FOXP1: variants seen among roughly 807,000 people sequenced by gnomAD.
The protein encoded by FOXP1 is forkhead box protein P1.
A neutral mutation model predicts 98.2 loss-of-function variants in FOXP1; 15 were observed. The ratio of observed to expected loss-of-function variants is 0.15; its 90% CI spans 0.10 to 0.24. The LOEUF is 0.24. FOXP1 is among the 10% of genes least tolerant of loss of function. The pLI is 1.00. For synonymous variants in FOXP1, 371 were observed against 314.5 expected, an observed-to-expected ratio of 1.18 and a Z score of -1.90; for missense variants, 633 against 848.5, an observed-to-expected ratio of 0.75 and a Z score of 3.15.
chr3:71,272,469 G>A lies in FOXP1; in HGVS notation c.-12+27351C>T, dbSNP rs77044137. 7.6e-3 allele frequency among the ~76,000 whole-genome samples: 1,152 copies of A among 152,112 alleles called. 26 individuals carry two copies. The East Asian group carries it at 0.094, about 12-fold the overall frequency. The stretch of plus-strand genomic sequence containing the variant: ...ATACTAGGGGTGGGGGATTTCAGGA[G>A]GACAAGTAACAGAAGATGGCCTCAG... On this transcript the variant is annotated intron_variant, in intron 5 of 20. Transcript: ENST00000649528.
chr3:71,566,173 C>T (rs983896909), intron 2 of FOXP1, among the ~76,000 whole-genome samples: 3 of 152,162 alleles, frequency 2.0e-5, no homozygotes, highest in South Asian at 2.1e-4. Context: ...GTGCGTCTCA[C>T]GGGGGTTATG....
chr3:71,247,591 G>A (rs931177405), intron 5 of FOXP1, among the ~76,000 whole-genome samples: 43 of 152,238 alleles, frequency 2.8e-4, no homozygotes, highest in African/African-American at 9.9e-4. Flanking sequence ...ACACCAGGCA[G>A]GAGATTTTCT....
intron 6 of FOXP1, among the ~76,000 whole-genome samples, chr3:71,191,350 G>A (rs1007003143): frequency 1.3e-5 from 2 of 152,132 alleles, no homozygotes; most frequent in Non-Finnish European, 2.9e-5. Flanking sequence ...GAGATAGGGC[G>A]TTCTTTTTTT....
At chr3:71,578,972 A>C (rs893248688) in intron 2 of FOXP1, among the ~76,000 whole-genome samples, 1 of 152,250 alleles carries the variant, frequency 6.6e-6, no homozygotes, top group African/African-American at 2.4e-5. Flanking sequence ...GTGTATGTTT[A>C]ACCCACATTG....
chr3:71,300,835 T>C (rs995125668), intron 4 of FOXP1, among the ~76,000 whole-genome samples: 3 of 152,224 alleles, frequency 2.0e-5, no homozygotes, highest in Non-Finnish European at 2.9e-5. Context: ...CAGAATAGCA[T>C]GTAATGAAGT....
At chr3:71,455,938 G>T (rs2108516372) in intron 3 of FOXP1, among the ~76,000 whole-genome samples, 1 of 152,094 alleles carries the variant, frequency 6.6e-6, no homozygotes, top group African/African-American at 2.4e-5. Context: ...TTCTTTTTTT[G>T]TGCAATTAAG....
chr3:71,208,905 G>C (rs757452564), intron 5 of FOXP1, among the ~76,000 whole-genome samples: 1 of 152,172 alleles, frequency 6.6e-6, no homozygotes, highest in Non-Finnish European at 1.5e-5. Flanking sequence ...GAGGCAGAAA[G>C]GTTGTATGTT....
intron 6 of FOXP1, among the ~76,000 whole-genome samples, chr3:71,181,842 C>A (rs950855229): frequency 6.6e-6 from 1 of 151,890 alleles, no homozygotes; most frequent in Non-Finnish European, 1.5e-5. Flanking sequence ...ACTATCCTGG[C>A]TAACATGGTG....
chr3:71,573,938 C>G (rs1353947407), intron 2 of FOXP1: 1 of 152,170 alleles, frequency 6.6e-6, no homozygotes, highest in Non-Finnish European at 1.5e-5. Context: ...TTTCAACAAA[C>G]AAGGCGGAAT....
At chr3:71,301,939 C>A (rs1374295060) in intron 4 of FOXP1, among the ~76,000 whole-genome samples, 1 of 152,130 alleles carries the variant, frequency 6.6e-6, no homozygotes, top group African/African-American at 2.4e-5. Flanking sequence ...GAAAGAATTA[C>A]AACAAAATTA....
intron 5 of FOXP1, among the ~76,000 whole-genome samples, chr3:71,281,039 C>CAAAAAAAAAAAAAAAAA (rs55640213): frequency 2.4e-5 from 2 of 83,564 alleles, no homozygotes; most frequent in Admixed American, 1.3e-4. Flanking sequence ...CCCTTCTCTA[C>CAAAAAAAAAAAAAAAAA]AAAAAAAAAA....
At chr3:71,214,319 C>T (rs1443543354) in intron 5 of FOXP1, among the ~76,000 whole-genome samples, 1 of 152,162 alleles carries the variant, frequency 6.6e-6, no homozygotes, top group Non-Finnish European at 1.5e-5. Flanking sequence ...CATGCTGTCA[C>T]GAACATGCCA....
At chr3:71,292,356 T>C (rs1452982984) in intron 5 of FOXP1, among the ~76,000 whole-genome samples, 2 of 152,180 alleles carry the variant, frequency 1.3e-5, no homozygotes, top group African/African-American at 4.8e-5. Flanking sequence ...TTTTTTGAGA[T>C]GGAGTCTCCC....
rs796630958 is a variant in FOXP1 at position 71,138,909 on chromosome 3, T to TA, written c.181-26273dup. On this transcript the variant is annotated intron_variant, in intron 6 of 20. Transcript: ENST00000649528. Reference sequence around the variant, plus strand: ...TGGAAAAACTGCCTCTGCAATAAGTTAAAAAAAAAAAAGATATTTATTACC... The same window carrying TA: ...TGGAAAAACTGCCTCTGCAATAAGTTAAAAAAAAAAAAAGATATTTATTACC... 8.8e-4 allele frequency among the ~76,000 whole-genome samples: 128 copies of TA among 144,992 alleles called. 1 individual carries two copies. Among genetic ancestry groups the TA allele is most frequent in the South Asian group, 8.3e-3 (38 of 4,556 alleles).
chr3:70,983,890 A>G (rs2039299033), intron 14 of FOXP1, among the ~76,000 whole-genome samples: 1 of 152,090 alleles, frequency 6.6e-6, no homozygotes, highest in South Asian at 2.1e-4. Context: ...CCCTCCCCCA[A>G]ATGAAGTATC....
chr3:71,166,886 A>G (rs567109835), intron 6 of FOXP1, among the ~76,000 whole-genome samples: 45 of 152,130 alleles, frequency 3.0e-4, no homozygotes, highest in African/African-American at 1.1e-3. Context: ...AATTGTGTGC[A>G]TTCCCATCAT....
chr3:71,000,279 A>G (rs770366716), intron 13 of FOXP1, among the ~76,000 whole-genome samples: 2 of 143,744 alleles, frequency 1.4e-5, no homozygotes, highest in African/African-American at 5.2e-5. Flanking sequence ...ACATAGCCCA[A>G]TGGGTTTCTA....
At chr3:71,202,462 T>C (rs934638708) in intron 5 of FOXP1, among the ~76,000 whole-genome samples, 2 of 152,218 alleles carry the variant, frequency 1.3e-5, no homozygotes, top group Non-Finnish European at 2.9e-5. Context: ...TTCCAAGTCA[T>C]TTAATAAGCC....
intron 3 of FOXP1, among the ~76,000 whole-genome samples, chr3:71,489,043 G>A (rs1468535666): frequency 6.6e-6 from 1 of 152,122 alleles, no homozygotes; most frequent in Non-Finnish European, 1.5e-5. Context: ...GAACCCTGTC[G>A]GCTGGCTCTC....
Sources: gnomAD v4.1 joint callset for allele counts (sites outside exome capture counted in the v4.1 genomes callset) on GRCh38, gnomAD v4.1.1 for gene constraint, MANE v1.5 for transcripts, NCBI Gene and HGNC (gene_info 2026-07-23, HGNC 2026-07-21) for gene names.